The following FRMPD4 variants were observed in gnomAD, a reference collection of about 807,000 sequenced individuals.
The protein encoded by FRMPD4 is FERM and PDZ domain-containing protein 4.
FRMPD4 carries 22 observed loss-of-function variants against 94.1 expected under a neutral mutation model. That is an observed-to-expected ratio of 0.23 (90% confidence interval 0.17 to 0.33). FRMPD4 has a LOEUF of 0.33. Among genes scored for constraint, FRMPD4 ranks in the 10% least tolerant of loss-of-function variants. The pLI, the probability that FRMPD4 is intolerant of heterozygous loss-of-function variation, is 1.00. For synonymous variants in FRMPD4, 631 were observed against 548.6 expected, an observed-to-expected ratio of 1.15 and a Z score of -2.10; for missense variants, 1,111 against 1,339.9, an observed-to-expected ratio of 0.83 and a Z score of 2.67.
At chrX:12,313,827 C>CT (rs1177913620) in intron 1 of FRMPD4, among the ~76,000 whole-genome samples, 2 of 111,143 alleles carry the variant, frequency 1.8e-5, no homozygotes, top group Non-Finnish European at 3.8e-5. Flanking sequence ...TTTAATTTCT[C>CT]TTTTTTCCTC....
At chrX:12,027,565 A>G (rs2054667654) in intron 3 of FRMPD4, among the ~76,000 whole-genome samples, 1 of 111,877 alleles carries the variant, frequency 8.9e-6, no homozygotes, top group African/African-American at 3.2e-5. Context: ...CTTCCTGAAA[A>G]TAAATTTGCT....
chrX:12,487,236 C>G (rs912132225), intron 1 of FRMPD4, among the ~76,000 whole-genome samples: 5 of 112,107 alleles, frequency 4.5e-5, no homozygotes, highest in Non-Finnish European at 9.4e-5. Flanking sequence ...CTCTTCCTCT[C>G]TCTCTACTTT....
intron 3 of FRMPD4, among the ~76,000 whole-genome samples, chrX:11,943,808 C>A (rs922619870): frequency 8.9e-6 from 1 of 111,793 alleles, no homozygotes; most frequent in Non-Finnish European, 1.9e-5. Context: ...AATCTAATTG[C>A]TTCTTAAACC....
intron 3 of FRMPD4, among the ~76,000 whole-genome samples, chrX:12,084,243 C>G (rs1353870471): frequency 9.3e-6 from 1 of 107,015 alleles, no homozygotes; most frequent in Non-Finnish European, 1.9e-5. Context: ...TAATGAATAA[C>G]TCTCACAAGA....
chrX:12,520,446 A>T (rs187772308), intron 2 of FRMPD4, among the ~76,000 whole-genome samples: 8 of 111,852 alleles, frequency 7.2e-5, no homozygotes, highest in African/African-American at 2.6e-4. Context: ...TTGTGCAACA[A>T]TGTGAATGCA....
chrX:12,714,234 G>T (rs1408328417), intron 14 of FRMPD4, among the ~76,000 whole-genome samples: 3 of 111,658 alleles, frequency 2.7e-5, no homozygotes, highest in Non-Finnish European at 5.6e-5. Flanking sequence ...GAGGCCACAA[G>T]TTCAAAACCA....
At chrX:12,479,886 C>T (rs1345240469) in intron 1 of FRMPD4, among the ~76,000 whole-genome samples, 3 of 110,099 alleles carry the variant, frequency 2.7e-5, no homozygotes, top group Non-Finnish European at 5.7e-5. Context: ...CCCTCCTTTG[C>T]AGAGGCTAGG....
chrX:11,953,992 G>A (rs2054240750), intron 3 of FRMPD4, among the ~76,000 whole-genome samples: 1 of 112,219 alleles, frequency 8.9e-6, no homozygotes, highest in African/African-American at 3.2e-5. Flanking sequence ...ACCAAAGGAT[G>A]GAGGAATTTC....
chrX:11,971,208 C>T (rs765571164), intron 3 of FRMPD4, among the ~76,000 whole-genome samples: 3 of 112,151 alleles, frequency 2.7e-5, no homozygotes, highest in East Asian at 5.6e-4. Context: ...GCCTTACATG[C>T]GCCAGATTTT....
chrX:11,839,857 T>G (rs2053523652), intron 1 of FRMPD4, among the ~76,000 whole-genome samples: 1 of 111,276 alleles, frequency 9.0e-6, no homozygotes, highest in Non-Finnish European at 1.9e-5. Context: ...CTCATTGAAT[T>G]GTCTCAGTGC....
At chrX:12,333,403 T>C (rs946491034) in intron 1 of FRMPD4, among the ~76,000 whole-genome samples, 8 of 111,600 alleles carry the variant, frequency 7.2e-5, no homozygotes. Flanking sequence ...AGGCAACTGA[T>C]ATTGGCCTAA....
At chrX:12,623,913 A>G (rs1361633416) in intron 4 of FRMPD4, among the ~76,000 whole-genome samples, 1 of 112,036 alleles carries the variant, frequency 8.9e-6, no homozygotes, top group African/African-American at 3.2e-5. Flanking sequence ...GGGCAGTGAC[A>G]CCCACCTGTA....
At chrX:12,518,847 A>AC (rs749055486) in intron 2 of FRMPD4, among the ~76,000 whole-genome samples, 9 of 112,239 alleles carry the variant, frequency 8.0e-5, no homozygotes, top group Non-Finnish European at 1.5e-4. Context: ...ACACACACAC[A>AC]AACTGCTAAA....
At chrX:11,932,603 T>A (rs1292528377) in intron 3 of FRMPD4, among the ~76,000 whole-genome samples, 3 of 110,513 alleles carry the variant, frequency 2.7e-5, no homozygotes, top group African/African-American at 9.9e-5. Context: ...TAAAACTGTG[T>A]ACTAGGTATT....
chrX:12,257,426 A>G (rs1260525211), intron 1 of FRMPD4, among the ~76,000 whole-genome samples: 6 of 111,939 alleles, frequency 5.4e-5, no homozygotes, highest in African/African-American at 1.9e-4. Flanking sequence ...CTCATTTTCC[A>G]TATATTGATG....
At chrX:12,494,519 CA>C (rs1310655839) in intron 1 of FRMPD4, among the ~76,000 whole-genome samples, 1 of 111,712 alleles carries the variant, frequency 9.0e-6, no homozygotes, top group African/African-American at 3.3e-5. Context: ...AACCTGACCT[CA>C]CATTCCTTCT....
chrX:11,929,707 G>C, intron 3 of FRMPD4, among the ~76,000 whole-genome samples: 1 of 111,984 alleles, frequency 8.9e-6, no homozygotes. Flanking sequence ...GACTAATTTT[G>C]CTTGTGAAGT....
intron 3 of FRMPD4, among the ~76,000 whole-genome samples, chrX:11,967,766 T>G (rs866507351): frequency 2.0e-5 from 2 of 99,753 alleles, no homozygotes; most frequent in Admixed American, 2.2e-4. Context: ...GTTTTTTTTT[T>G]TTTTTTTTTT....
Position 12,718,336 on chromosome X carries a change from C to G in FRMPD4, c.3510C>G (p.Asp1170Glu), listed in dbSNP as rs2042145422. 4.1e-6 allele frequency: 5 copies of G among 1,210,985 alleles called. No homozygotes were observed. The highest frequency in any genetic ancestry group is 5.9e-5 in the East Asian group (2 of 33,824). ...ACTTAGATAACCCAGAGGACGCTGA[C>G]TCGTCCACCTGCGACCATCCTTCCA... ...AKDLDNPEDADSSTCDHPSKL... is the reference protein window; with the variant it reads ...AKDLDNPEDAESSTCDHPSKL... Residue 1170 changes from aspartate (D) to glutamate (E), a missense_variant, in exon 16 of 17, where the codon GAC becomes GAG. Physicochemically the swap from Asp to Glu is conservative, Grantham distance 45 (BLOSUM62 2). Coordinates refer to ENST00000675598, the MANE Select transcript of FRMPD4 (RefSeq NM_001368397.1).
Sources: gnomAD v4.1 joint callset for allele counts (sites outside exome capture counted in the v4.1 genomes callset) on GRCh38, gnomAD v4.1.1 for gene constraint, MANE v1.5 for transcripts, NCBI Gene and HGNC (gene_info 2026-07-23, HGNC 2026-07-21) for gene names.